USH1G: variants seen among roughly 807,000 people sequenced by gnomAD.
The protein encoded by USH1G is pre-mRNA splicing regulator USH1G.
USH1G carries 27 observed loss-of-function variants against 31.9 expected under a neutral mutation model. The ratio of observed to expected loss-of-function variants is 0.85; its 90% confidence interval spans 0.62 to 1.17. The LOEUF (loss-of-function observed/expected upper bound fraction) is 1.17. Among genes scored for constraint, USH1G ranks in the 50% most tolerant of loss-of-function variants. The probability of loss-of-function intolerance (pLI) is 0.00; values close to 1 mark genes in which losing one functional copy is unlikely to be tolerated. For synonymous variants in USH1G, 266 were observed against 283.2 expected, an observed-to-expected ratio of 0.94 and a Z score of 0.61; for missense variants, 674 against 638.9, an observed-to-expected ratio of 1.05 and a Z score of -0.59.
At position 74,919,362 on chromosome 17, in the gene USH1G, C is replaced by G; in HGVS notation, c.1382+92G>C. ...ATTTTATGAAATACAGTATCCCCCA[C>G]CCCCTACTCCTGAATAGGCAGATCT... On this transcript the variant is annotated intron_variant, in intron 2 of 2. Transcript: ENST00000614341. This position sits in a 1 kb window ranked among gnomAD's most constrained non-coding sequence, Gnocchi z 4.5. 7.0e-7 allele frequency: 1 copy of G among 1,437,100 alleles called. No homozygotes were observed. The highest frequency in any genetic ancestry group is 9.2e-7 in the Non-Finnish European group (1 of 1,086,650). The allele number at this position is 1,437,100 out of a possible 1,614,324, so 89.0% of individuals were successfully genotyped here. A position where few individuals can be genotyped will look rare whatever the true frequency, so the allele number is the denominator to read the frequency against.
At position 74,923,166 on chromosome 17, in the gene USH1G, G is replaced by C. The variant is rs2038967615; in HGVS notation, c.-93C>G. The C allele has an allele frequency of 1.3e-5, 17 of 1,275,722 alleles. No individual in the cohort carries two copies. The Admixed American group carries it at 5.2e-4, about 39-fold the overall frequency. 79.0% of individuals were successfully genotyped at this position (1,275,722 alleles called of 1,614,324 possible). ...ATTAGGGCTGAGGCATGAGGTTGGA[G>C]GACGGGGCCGGGCAGGGGCCGGGGC... On this transcript the variant is annotated 5_prime_UTR_variant, in exon 1 of 3. Coordinates refer to ENST00000614341, the MANE Select transcript of USH1G (RefSeq NM_173477.5). The surrounding 1 kb of genome is among the most constrained non-coding windows in gnomAD (Gnocchi z 5.3).
Position 74,918,180 on chromosome 17 carries a change from C to G in USH1G, c.1383-104G>C, listed in dbSNP as rs888171753. 1.3e-6 allele frequency: 2 copies of G among 1,508,742 alleles called. No homozygotes were observed. The highest frequency in any genetic ancestry group is 1.8e-6 in the Non-Finnish European group (2 of 1,101,018). 93.5% of individuals were successfully genotyped at this position (1,508,742 alleles called of 1,614,324 possible). Reference sequence around the variant, plus strand: ...TGGACAACTTAGCCTCCCCATCTCTCGGCAGGCCAATTGTCAGGGATGGGG... The same window carrying G: ...TGGACAACTTAGCCTCCCCATCTCTGGGCAGGCCAATTGTCAGGGATGGGG... On this transcript the variant is annotated intron_variant, in intron 2 of 2. Transcript: ENST00000614341. The surrounding 1 kb of genome is among the most constrained non-coding windows in gnomAD (Gnocchi z 4.1).
rs1318526760 is a variant in USH1G, at chr17:74,923,093, G to A, written c.-20C>T. ...GTTCATGGCGCCCGAAGTGGACGGG[G>A]CGGGCGGGGGACACGGAGAAAGGCC... On this transcript the variant is annotated 5_prime_UTR_variant, in exon 1 of 3. Transcript: ENST00000614341. The surrounding 1 kb of genome is among the most constrained non-coding windows in gnomAD (Gnocchi z 5.3). 1 of 1,561,402 alleles carries A rather than the reference G, an allele frequency of 6.4e-7. No homozygotes were observed. The highest frequency in any genetic ancestry group is 2.3e-5 in the East Asian group (1 of 42,628).
chr17:74,919,813 C>A lies in USH1G; in HGVS notation c.1023G>T (p.Ala341=). ...GGGAGCTCTGCAGCCGACCCCGCGG[C>A]GCTCCCACCCCATCCAGACCCCCAT... ...REDGGLDGVG[A]PRGRLQSSPS... Residue 341 remains alanine (A), a synonymous_variant, in exon 2 of 3, where the codon GCG becomes GCT. Coordinates refer to ENST00000614341, the MANE Select transcript of USH1G (RefSeq NM_173477.5). The surrounding 1 kb of genome is among the most constrained non-coding windows in gnomAD (Gnocchi z 4.5). The A allele has an allele frequency of 6.2e-7, 1 of 1,612,888 alleles. No individual in the cohort carries two copies. Among genetic ancestry groups the A allele is most frequent in the Non-Finnish European group, 8.5e-7 (1 of 1,179,938 alleles).
In USH1G at chr17:74,920,310, G is replaced by A; in HGVS notation, c.526C>T (p.Leu176Phe). The A allele has an allele frequency of 1.2e-6, 2 of 1,607,376 alleles. No individual in the cohort carries two copies. Among genetic ancestry groups the A allele is most frequent in the East Asian group, 4.5e-5 (2 of 44,814 alleles). ...CTGGACGTGAGGCTGGAGAAGCTGA[G>A]GGTGTCGGAACGCTCGGCCAGCTCG... ...RRELAERSDT[L>F]SFSSLTSSTL... The change falls in exon 2 of 3, where the codon CTC becomes TTC. Residue 176 changes from leucine (L) to phenylalanine (F), a missense_variant. Transcript: ENST00000614341. The surrounding 1 kb of genome is among the most constrained non-coding windows in gnomAD (Gnocchi z 5.2).
Position 74,920,433 on chromosome 17 carries a change from G to C in USH1G, c.403C>G (p.Leu135Val). The C allele has an allele frequency of 6.2e-7, 1 of 1,613,640 alleles. No homozygotes were observed. Among genetic ancestry groups the C allele is most frequent in the Non-Finnish European group, 8.5e-7 (1 of 1,180,046 alleles). ...GCCTCGCGGAAGGCCTTGTCCTTCA[G>C]CTTACCCACCAGCTTGGGGTTGAGG... Reference protein sequence around the residue: ...SSLNPKLVGKLKDKAFREAER... With the variant: ...SSLNPKLVGKVKDKAFREAER... The change falls in exon 2 of 3, where the codon CTG (leucine) becomes GTG (valine). Residue 135 changes from leucine (L) to valine (V), a missense_variant. Coordinates refer to ENST00000614341, the MANE Select transcript of USH1G (RefSeq NM_173477.5). The surrounding 1 kb of genome is among the most constrained non-coding windows in gnomAD (Gnocchi z 5.2).
rs775371036 is a variant in USH1G, at chr17:74,920,116, G to T, written c.720C>A (p.Ser240Arg). ...TFKVSEDGRK[S>R]ARSLSGLQLG... ...GCTGCAGGCCCGAGAGCGAGCGGGCGCTCTTGCGCCCATCCTCGGAGACCT... is the reference window on the plus strand; with the variant it reads ...GCTGCAGGCCCGAGAGCGAGCGGGCTCTCTTGCGCCCATCCTCGGAGACCT... Residue 240 changes from serine to arginine, a missense_variant, in exon 2 of 3, where the codon AGC (serine) becomes AGA (arginine). Coordinates refer to ENST00000614341, the MANE Select transcript of USH1G (RefSeq NM_173477.5). This position sits in a 1 kb window ranked among gnomAD's most constrained non-coding sequence, Gnocchi z 5.2. The T allele has an allele frequency of 6.1e-5, 98 of 1,602,720 alleles. No individual in the cohort carries two copies. The highest frequency in any genetic ancestry group is 7.9e-5 in the Non-Finnish European group (93 of 1,179,492).
At position 74,921,632 on chromosome 17, in the gene USH1G, C is replaced by T. The variant is rs539599476; in HGVS notation, c.165-961G>A. 7.9e-5 allele frequency among the ~76,000 whole-genome samples: 12 copies of T among 152,288 alleles called. No homozygotes were observed. In the South Asian group the frequency reaches 2.3e-3, roughly 29 times the overall value. On this transcript the variant is annotated intron_variant, in intron 1 of 2. Coordinates refer to ENST00000614341, the MANE Select transcript of USH1G (RefSeq NM_173477.5). The surrounding 1 kb of genome is among the most constrained non-coding windows in gnomAD (Gnocchi z 4.6). ...CCCTTCCTGGGCCTCCCCTCCTGGC[C>T]GCCAAGTCCTGCAGGCCAGTGTGGG...
rs771758203 is a variant in USH1G at position 74,920,074 on chromosome 17, C to T, written c.762G>A (p.Met254Ile). The change falls in exon 2 of 3, where the codon ATG (methionine) becomes ATA (isoleucine). Residue 254 changes from methionine (M) to isoleucine (I), a missense_variant. Met to Ile is a conservative substitution (Grantham distance 10). Transcript: ENST00000614341. This position sits in a 1 kb window ranked among gnomAD's most constrained non-coding sequence, Gnocchi z 5.2. ...TGGCGTAGGTGCCCTGGCGCACGAA[C>T]ATCACGTCGCTGCCCAGCTGCAGGC... ...LSGLQLGSDV[M>I]FVRQGTYANP... is the part of the protein sequence containing the mutation. The T allele has an allele frequency of 1.9e-6, 3 of 1,606,786 alleles. No individual in the cohort carries two copies. The highest frequency in any genetic ancestry group is 2.5e-6 in the Non-Finnish European group (3 of 1,179,506).
chr17:74,919,763 C>G lies in USH1G; in HGVS notation c.1073G>C (p.Gly358Ala), dbSNP rs1375443578. The change falls in exon 2 of 3, where the codon GGC (glycine) becomes GCC (alanine). Residue 358 changes from glycine (G) to alanine (A), a missense_variant. Gly to Ala is a moderately conservative substitution (Grantham distance 60). Coordinates refer to ENST00000614341, the MANE Select transcript of USH1G (RefSeq NM_173477.5). The surrounding 1 kb of genome is among the most constrained non-coding windows in gnomAD (Gnocchi z 4.5). ...GCGGTCCTGCAGGCTGTTGGCACTGCCCAGGCTGTCATCGTCCAGGCTGGG... is the reference window on the plus strand; with the variant it reads ...GCGGTCCTGCAGGCTGTTGGCACTGGCCAGGCTGTCATCGTCCAGGCTGGG... Reference protein sequence around the residue: ...SSPSLDDDSLGSANSLQDRSC... With the variant: ...SSPSLDDDSLASANSLQDRSC... 2 of 1,612,918 alleles carry G rather than the reference C, an allele frequency of 1.2e-6. No homozygotes were observed. The highest frequency in any genetic ancestry group is 2.2e-5 in the South Asian group (2 of 91,078).
In USH1G at chr17:74,921,450, C is replaced by T. The variant is rs1269874410; in HGVS notation, c.165-779G>A. Among the ~76,000 whole-genome samples, 3 of 152,060 alleles carry T rather than the reference C, an allele frequency of 2.0e-5. No individual in the cohort carries two copies. The highest frequency in any genetic ancestry group is 3.4e-3 in the Middle Eastern group (1 of 294). ...CCCCACAAGCACCCTTCACACCAGACGGGTGTCCCCCAGGGCAAGCTCCCA... is the reference window on the plus strand; with the variant it reads ...CCCCACAAGCACCCTTCACACCAGATGGGTGTCCCCCAGGGCAAGCTCCCA... On this transcript the variant is annotated intron_variant, in intron 1 of 2. Coordinates refer to ENST00000614341, the MANE Select transcript of USH1G (RefSeq NM_173477.5). This position sits in a 1 kb window ranked among gnomAD's most constrained non-coding sequence, Gnocchi z 4.6.
intron 1 of USH1G, among the ~76,000 whole-genome samples, chr17:74,922,548 C>A (rs1158316280): frequency 6.6e-6 from 1 of 152,152 alleles, no homozygotes; most frequent in African/African-American, 2.4e-5. Context: ...TTCTAGCCCC[C>A]ACTGCTGGCC....
rs1406087532 is a variant in USH1G at position 74,920,518 on chromosome 17, G to T, written c.318C>A (p.Ala106=). 2.5e-6 allele frequency: 4 copies of T among 1,613,742 alleles called. No individual in the cohort carries two copies. In the Admixed American group the frequency reaches 6.7e-5, roughly 27 times the overall value. Residue 106 remains alanine (A), a synonymous_variant, in exon 2 of 3, where the codon GCC becomes GCA. Transcript: ENST00000614341. This position sits in a 1 kb window ranked among gnomAD's most constrained non-coding sequence, Gnocchi z 5.2. ...NDYHTPLDMA[A]MKGHMECVRY... is the part of the protein sequence containing the mutation. ...GCACGCATTCCATGTGGCCCTTCAT[G>T]GCAGCCATGTCCAGCGGCGTGTGGT...
chr17:74,923,207 C>T lies in USH1G; in HGVS notation c.-134G>A. 3 of 660,238 alleles carry T rather than the reference C, an allele frequency of 4.5e-6. No individual in the cohort carries two copies. Among genetic ancestry groups the T allele is most frequent in the Non-Finnish European group, 6.3e-6 (3 of 473,782 alleles). 40.9% of individuals were successfully genotyped at this position (660,238 alleles called of 1,614,324 possible). On this transcript the variant is annotated 5_prime_UTR_variant, in exon 1 of 3. Transcript: ENST00000614341. This position sits in a 1 kb window ranked among gnomAD's most constrained non-coding sequence, Gnocchi z 5.3. ...GGGCCGGGGCCGCCAGCCCCCGCTG[C>T]CGCAGACGGAGGGTGCGGAGCGCCA...
In USH1G at chr17:74,920,407, C is replaced by T. The variant is rs1021745794; in HGVS notation, c.429G>A (p.Ala143=). 13 of 1,613,298 alleles carry T rather than the reference C, an allele frequency of 8.1e-6. No individual in the cohort carries two copies. Among genetic ancestry groups the T allele is most frequent in the African/African-American group, 8.0e-5 (6 of 74,944 alleles). ...GKLKDKAFRE[A]ERRIRECAKL... ...TGGCGCACTCGCGGATGCGCCGCTC[C>T]GCCTCGCGGAAGGCCTTGTCCTTCA... Residue 143 remains alanine (A), a synonymous_variant, in exon 2 of 3, where the codon GCG becomes GCA. Transcript: ENST00000614341. The surrounding 1 kb of genome is among the most constrained non-coding windows in gnomAD (Gnocchi z 5.2).
In USH1G at chr17:74,921,355, C is replaced by A. The variant is rs1199859773; in HGVS notation, c.165-684G>T. Reference sequence around the variant, plus strand: ...CCCGTGCTCCGAAGCCCTCCCTTCCCTAGGTTGCCCCCTCTTTGGTATCCC... The same window carrying A: ...CCCGTGCTCCGAAGCCCTCCCTTCCATAGGTTGCCCCCTCTTTGGTATCCC... On this transcript the variant is annotated intron_variant, in intron 1 of 2. Transcript: ENST00000614341. This position sits in a 1 kb window ranked among gnomAD's most constrained non-coding sequence, Gnocchi z 4.6. Among the ~76,000 whole-genome samples, 1 of 152,022 alleles carries A rather than the reference C, an allele frequency of 6.6e-6. No homozygotes were observed. The highest frequency in any genetic ancestry group is 2.4e-5 in the African/African-American group (1 of 41,360).
In USH1G at chr17:74,917,729, C is replaced by T; in HGVS notation, c.*344G>A. ...CGGCGCCCGGGACAGGTGCACCCTC[C>T]CGCATCCACCTCCCACACTCTCATC... On this transcript the variant is annotated 3_prime_UTR_variant, in exon 3 of 3. Coordinates refer to ENST00000614341, the MANE Select transcript of USH1G (RefSeq NM_173477.5). 2.6e-6 allele frequency: 1 copy of T among 386,578 alleles called. No homozygotes were observed. The highest frequency in any genetic ancestry group is 2.0e-5 in the African/African-American group (1 of 49,374). 23.9% of individuals were successfully genotyped at this position (386,578 alleles called of 1,614,324 possible).
Position 74,919,918 on chromosome 17 carries a change from C to G in USH1G, c.918G>C (p.Leu306=). 1 of 1,613,110 alleles carries G rather than the reference C, an allele frequency of 6.2e-7. No individual in the cohort carries two copies. Among genetic ancestry groups the G allele is most frequent in the Non-Finnish European group, 8.5e-7 (1 of 1,179,828 alleles). ...TGGTGCCCAGGCCGGGGCGGGTAAA[C>G]AGGGAGTCGTGGCCTGAGTCGGTGC... is the stretch of plus-strand genomic sequence containing the variant. ...EVSTDSGHDS[L]FTRPGLGTMV... Residue 306 remains leucine, a synonymous_variant, in exon 2 of 3, where the codon CTG becomes CTC. Coordinates refer to ENST00000614341, the MANE Select transcript of USH1G (RefSeq NM_173477.5). The surrounding 1 kb of genome is among the most constrained non-coding windows in gnomAD (Gnocchi z 4.5).
chr17:74,920,741 G>T lies in USH1G; in HGVS notation c.165-70C>A, dbSNP rs891796635. 3.8e-6 allele frequency: 6 copies of T among 1,592,480 alleles called. No individual in the cohort carries two copies. In the African/African-American group the frequency reaches 4.0e-5, roughly 11 times the overall value. On this transcript the variant is annotated intron_variant, in intron 1 of 2. Coordinates refer to ENST00000614341, the MANE Select transcript of USH1G (RefSeq NM_173477.5). The surrounding 1 kb of genome is among the most constrained non-coding windows in gnomAD (Gnocchi z 5.2). ...GGGGATGGAGGTGGAGGGAGTGGAG[G>T]GGGGAGGGGAGCTTCCCCACTGTCA...
Sources: allele counts gnomAD v4.1 joint callset (sites outside exome capture counted in the v4.1 genomes callset), GRCh38; gene constraint gnomAD v4.1.1; non-coding constraint Gnocchi (gnomAD v3.1); transcripts MANE v1.5; gene names NCBI Gene and HGNC (gene_info 2026-07-23, HGNC 2026-07-21).